PRH1: variants seen among roughly 807,000 people sequenced by gnomAD.
PRH1 encodes salivary acidic proline-rich phosphoprotein 1/2.
Under a neutral mutation model 7.9 loss-of-function variants are expected in PRH1, and 7 were observed. The observed-to-expected ratio is 0.89, with a 90% CI of 0.50 to 1.67. The LOEUF (loss-of-function observed/expected upper bound fraction) is 1.67. Among genes scored for constraint, PRH1 ranks in the 40% most tolerant of loss-of-function variants. PRH1 has a pLI of 0.00. For missense variants in PRH1, 109 were observed against 223.6 expected, an observed-to-expected ratio of 0.49 and a Z score of 3.27; for synonymous variants, 45 against 80.8, an observed-to-expected ratio of 0.56 and a Z score of 2.38.
intron 1 of PRH1, among the ~76,000 whole-genome samples, chr12:11,137,797 T>C (rs1946596961): frequency 6.6e-6 from 1 of 152,218 alleles, no homozygotes; most frequent in East Asian, 1.9e-4. Context: ...ATTATGTGTT[T>C]AAATATTTCA....
chr12:11,138,574 G>T (rs1946620434), intron 1 of PRH1, among the ~76,000 whole-genome samples: 1 of 151,858 alleles, frequency 6.6e-6, no homozygotes, highest in African/African-American at 2.4e-5. Context: ...ATAGTTTATT[G>T]GAAATTCATG....
chr12:10,915,641 A>G (rs1180186715), intron 2 of PRH1, among the ~76,000 whole-genome samples: 3 of 144,084 alleles, frequency 2.1e-5, no homozygotes, highest in African/African-American at 7.3e-5. Flanking sequence ...TTGATTTACA[A>G]AAGTAAGCAA....
chr12:11,157,006 C>T (rs559959167), intron 1 of PRH1, among the ~76,000 whole-genome samples: 51 of 151,918 alleles, frequency 3.4e-4, no homozygotes, highest in Non-Finnish European at 6.5e-4. Flanking sequence ...CCACCATGCC[C>T]GGCTAATTTT....
chr12:11,171,110 G>A (rs1478324303), intron 1 of PRH1: 9 of 388,358 alleles, frequency 2.3e-5, no homozygotes, highest in South Asian at 1.4e-4. Flanking sequence ...CTATTCCAGA[G>A]CCACCTACCA....
At chr12:11,148,272 C>T (rs1046904554) in intron 1 of PRH1, among the ~76,000 whole-genome samples, 3 of 151,600 alleles carry the variant, frequency 2.0e-5, no homozygotes, top group East Asian at 1.9e-4. Context: ...AATTGAATAC[C>T]CTTTATTTCC....
intron 1 of PRH1, among the ~76,000 whole-genome samples, chr12:11,093,420 G>T (rs188298058): frequency 0.025 from 2,932 of 115,042 alleles, 861 homozygotes; most frequent in South Asian, 0.038. Context: ...ACTTATGAAT[G>T]GAACAAATTA....
chr12:10,987,262 A>G (rs1206606414), intron 1 of PRH1, among the ~76,000 whole-genome samples: 1 of 152,156 alleles, frequency 6.6e-6, no homozygotes, highest in East Asian at 1.9e-4. Context: ...CAGCAACTTC[A>G]GCTGTTAGAT....
intron 2 of PRH1, among the ~76,000 whole-genome samples, chr12:10,966,060 A>C (rs1337196407): frequency 6.6e-6 from 1 of 152,194 alleles, no homozygotes; most frequent in Non-Finnish European, 1.5e-5. Flanking sequence ...ATGAACTTTT[A>C]AAATAATTTC....
intron 1 of PRH1, among the ~76,000 whole-genome samples, chr12:11,000,446 T>C (rs1940532132): frequency 6.6e-6 from 1 of 152,158 alleles, no homozygotes; most frequent in Non-Finnish European, 1.5e-5. Flanking sequence ...AAAATCAGGT[T>C]GTCATTTAGA....
chr12:11,171,538 A>C, upstream of PRH1: 3 of 1,232,182 alleles, frequency 2.4e-6, no homozygotes, highest in Non-Finnish European at 3.0e-6. Context: ...GTGATCCTCA[A>C]CATCCGATTG....
chr12:10,928,536 A>G (rs922048805), intron 2 of PRH1, among the ~76,000 whole-genome samples: 31 of 152,294 alleles, frequency 2.0e-4, no homozygotes, highest in African/African-American at 7.5e-4. Flanking sequence ...AATAATCCCT[A>G]AAGATATTTT....
intron 1 of PRH1, among the ~76,000 whole-genome samples, chr12:11,132,323 T>A (rs1946374117): frequency 6.6e-6 from 1 of 152,274 alleles, no homozygotes; most frequent in Non-Finnish European, 1.5e-5. Context: ...TTTTATACTA[T>A]TTTCACATTG....
Position 11,002,558 on chromosome 12 carries a change from C to A in PRH1, c.-125-28837G>T, listed in dbSNP as rs561014269. ...TCATATGAACTTCATATATACAAAT[C>A]CTCTATACAATTATATAGCATACAA... On this transcript the variant is annotated intron_variant, in intron 1 of 3. Transcript: ENST00000539853. Among the ~76,000 whole-genome samples, 3 of 152,084 alleles carry A rather than the reference C, an allele frequency of 2.0e-5. No homozygotes were observed. In the East Asian group the frequency reaches 5.8e-4, roughly 29 times the overall value.
chr12:10,931,988 A>G (rs967560388), intron 2 of PRH1, among the ~76,000 whole-genome samples: 1 of 152,248 alleles, frequency 6.6e-6, no homozygotes, highest in Admixed American at 6.5e-5. Context: ...ACAGCCACAA[A>G]GCATGAACAA....
At chr12:10,883,366 A>G (rs1173525884) in intron 1 of PRH1, among the ~76,000 whole-genome samples, 2 of 152,186 alleles carry the variant, frequency 1.3e-5, no homozygotes, top group East Asian at 1.9e-4. Flanking sequence ...TGAAGATACA[A>G]TAGGTCTTCT....
At chr12:10,998,053 G>A (rs951307710) in intron 1 of PRH1, among the ~76,000 whole-genome samples, 2 of 152,154 alleles carry the variant, frequency 1.3e-5, no homozygotes, top group Non-Finnish European at 2.9e-5. Context: ...ACTAATGAAT[G>A]AGTTCAATGC....
intron 1 of PRH1, among the ~76,000 whole-genome samples, chr12:11,130,780 G>A (rs1565684588): frequency 6.6e-6 from 1 of 152,132 alleles, no homozygotes; most frequent in Non-Finnish European, 1.5e-5. Flanking sequence ...CAAACAGCAA[G>A]TGCAGAACAT....
chr12:11,009,239 G>A (rs28569398), intron 1 of PRH1, among the ~76,000 whole-genome samples: 46,155 of 151,488 alleles, frequency 0.3, 8,875 homozygotes, highest in East Asian at 0.74. Flanking sequence ...TTGAATTCCC[G>A]CTTTCATATT....
intron 1 of PRH1, among the ~76,000 whole-genome samples, chr12:11,124,454 T>C (rs1430914121): frequency 6.6e-6 from 1 of 152,288 alleles, no homozygotes; most frequent in African/African-American, 2.4e-5. Flanking sequence ...CAATTTTATT[T>C]ATACTAAAAT....
Sources: allele counts gnomAD v4.1 joint callset (sites outside exome capture counted in the v4.1 genomes callset), GRCh38; gene constraint gnomAD v4.1.1; transcripts MANE v1.5; gene names NCBI Gene and HGNC (gene_info 2026-07-23, HGNC 2026-07-21).